Variants in ADAMTS3 observed in about 807,000 individuals in gnomAD.
ADAMTS3 encodes the protein A disintegrin and metalloproteinase with thrombospondin motifs 3.
In ADAMTS3, 73 loss-of-function variants were observed where a neutral mutation model predicts 129.0. The ratio of observed to expected loss-of-function variants is 0.57; its 90% CI spans 0.47 to 0.69. The LOEUF is 0.69. Among genes scored for constraint, ADAMTS3 ranks in the 30% least tolerant of loss-of-function variants. The pLI is 0.00. For synonymous variants in ADAMTS3, 477 were observed against 510.8 expected, an observed-to-expected ratio of 0.93 and a Z score of 0.89; for missense variants, 1,457 against 1,514.5, an observed-to-expected ratio of 0.96 and a Z score of 0.63.
intron 5 of ADAMTS3, among the ~76,000 whole-genome samples, chr4:72,333,848 CTTTTTTT>C (rs6148516): frequency 2.0e-5 from 2 of 99,476 alleles, no homozygotes; most frequent in African/African-American, 7.8e-5. Context: ...TGTTTGCTTG[CTTTTTTT>C]TTTTTTTTTT....
intron 3 of ADAMTS3, among the ~76,000 whole-genome samples, chr4:72,513,125 C>T (rs1326394979): frequency 6.6e-6 from 1 of 152,150 alleles, no homozygotes; most frequent in African/African-American, 2.4e-5. Flanking sequence ...ACCCACGACT[C>T]CCATCTCCTG....
Position 72,283,450 on chromosome 4 carries a change from A to T in ADAMTS3, c.3304T>A (p.Ser1102Thr), listed in dbSNP as rs1560457057. 6.2e-7 allele frequency: 1 copy of T among 1,614,092 alleles called. No homozygotes were observed. Residue 1102 changes from serine to threonine, a missense_variant, in exon 22 of 22, where the codon TCT becomes ACT. Ser to Thr is a moderately conservative substitution (Grantham distance 58, BLOSUM62 1). Coordinates refer to ENST00000286657, the MANE Select transcript of ADAMTS3 (RefSeq NM_014243.3). ...CCCACTGAAGAGATGCTACTCAAAG[A>T]CATCTTCTTTGCAGGGGTCTCTGAA... is the stretch of plus-strand genomic sequence containing the variant. ...YHSETPAKKM[S>T]LSSISSVGGP...
At chr4:72,547,465 T>C (rs544393576) in intron 3 of ADAMTS3, among the ~76,000 whole-genome samples, 3 of 152,304 alleles carry the variant, frequency 2.0e-5, no homozygotes, top group African/African-American at 7.2e-5. Flanking sequence ...GGCATTCTTC[T>C]GTCCTCTTTG....
intron 4 of ADAMTS3, among the ~76,000 whole-genome samples, chr4:72,351,722 G>A (rs1287387975): frequency 6.6e-6 from 1 of 151,724 alleles, no homozygotes; most frequent in South Asian, 2.1e-4. Context: ...AACATGGAGG[G>A]AGTTCAAAAA....
intron 4 of ADAMTS3, among the ~76,000 whole-genome samples, chr4:72,353,395 G>T (rs532680986): frequency 3.3e-5 from 5 of 152,090 alleles, no homozygotes; most frequent in African/African-American, 1.2e-4. Flanking sequence ...GGCAAATATG[G>T]TTATGGAGAC....
intron 14 of ADAMTS3, among the ~76,000 whole-genome samples, chr4:72,309,954 G>A (rs1719189616): frequency 6.6e-6 from 1 of 151,986 alleles, no homozygotes; most frequent in Admixed American, 6.6e-5. Context: ...CTTCACCAGG[G>A]TGGTGAAGAT....
chr4:72,376,840 G>A (rs997391785), intron 4 of ADAMTS3, among the ~76,000 whole-genome samples: 4 of 152,094 alleles, frequency 2.6e-5, no homozygotes, highest in Non-Finnish European at 4.4e-5. Context: ...GCCAAGGATG[G>A]TATTTTTGAG....
At chr4:72,552,457 G>GA (rs1296070096) in intron 2 of ADAMTS3, among the ~76,000 whole-genome samples, 2 of 152,166 alleles carry the variant, frequency 1.3e-5, no homozygotes, top group Non-Finnish European at 2.9e-5. Context: ...TGGCTGAGGG[G>GA]CCACAGTAAT....
chr4:72,311,090 A>G lies in ADAMTS3; in HGVS notation c.2013T>C (p.Ser671=), dbSNP rs1719221477. 1 of 1,611,994 alleles carries G rather than the reference A, an allele frequency of 6.2e-7. No individual in the cohort carries two copies. Among genetic ancestry groups the G allele is most frequent in the Middle Eastern group, 1.7e-4 (1 of 6,048 alleles). The change falls in exon 14 of 22, where the codon TCT becomes TCC. Residue 671 remains serine (S), a synonymous_variant. Coordinates refer to ENST00000286657, the MANE Select transcript of ADAMTS3 (RefSeq NM_014243.3). ...KQLVHDGTHC[S]YKDPYSICVR... Reference sequence around the variant, plus strand: ...CACATATGCTATATGGATCTTTGTAAGAACAGTGCGTTCCATCATGCACCA... The same window carrying G: ...CACATATGCTATATGGATCTTTGTAGGAACAGTGCGTTCCATCATGCACCA...
chr4:72,552,967 T>G (rs1326482802), intron 2 of ADAMTS3, among the ~76,000 whole-genome samples: 2 of 152,190 alleles, frequency 1.3e-5, no homozygotes, highest in African/African-American at 4.8e-5. Flanking sequence ...GCAGAAGATT[T>G]TATCTGTTCT....
intron 3 of ADAMTS3, among the ~76,000 whole-genome samples, chr4:72,543,306 T>C (rs1721384039): frequency 6.6e-6 from 1 of 152,066 alleles, no homozygotes; most frequent in Admixed American, 6.5e-5. Flanking sequence ...AGTATGGCAA[T>C]TTTTTTCCAA....
intron 3 of ADAMTS3, among the ~76,000 whole-genome samples, chr4:72,480,622 C>T (rs2110005299): frequency 6.6e-6 from 1 of 151,604 alleles, no homozygotes; most frequent in East Asian, 1.9e-4. Context: ...GTGCAGCACA[C>T]CAGCATGGCA....
chr4:72,559,643 A>G (rs4694488), intron 2 of ADAMTS3, among the ~76,000 whole-genome samples: 60,560 of 151,174 alleles, frequency 0.4, 13,051 homozygotes, highest in South Asian at 0.61. Flanking sequence ...TTTTAAAAAA[A>G]GAAAAAGAAA....
chr4:72,367,314 T>C (rs1260605136), intron 4 of ADAMTS3, among the ~76,000 whole-genome samples: 1 of 152,184 alleles, frequency 6.6e-6, no homozygotes, highest in Non-Finnish European at 1.5e-5. Context: ...CATAGCTTAC[T>C]ATCTATACTG....
At position 72,303,990 on chromosome 4, in the gene ADAMTS3, C is replaced by A; in HGVS notation, c.2351G>T (p.Trp784Leu). ...AATGTCATCTTCAATGTTATAATCCCACTCCACACCAAGATCTATGAAGGT... is the reference window on the plus strand; with the variant it reads ...AATGTCATCTTCAATGTTATAATCCAACTCCACACCAAGATCTATGAAGGT... ...SRTFIDLGVE[W>L]DYNIEDDIES... The change falls in exon 17 of 22, where the codon TGG (tryptophan) becomes TTG (leucine). Residue 784 changes from tryptophan (W) to leucine (L), a missense_variant. Trp to Leu is a moderately conservative substitution (Grantham distance 61). Coordinates refer to ENST00000286657, the MANE Select transcript of ADAMTS3 (RefSeq NM_014243.3). 1 of 1,613,614 alleles carries A rather than the reference C, an allele frequency of 6.2e-7. No individual in the cohort carries two copies. The highest frequency in any genetic ancestry group is 8.5e-7 in the Non-Finnish European group (1 of 1,179,716).
At chr4:72,501,866 A>G (rs1720034066) in intron 3 of ADAMTS3, among the ~76,000 whole-genome samples, 1 of 152,112 alleles carries the variant, frequency 6.6e-6, no homozygotes, top group Non-Finnish European at 1.5e-5. Context: ...ATCTATTGAG[A>G]TGATCGTATG....
chr4:72,323,441 C>T (rs1039656877), intron 5 of ADAMTS3, among the ~76,000 whole-genome samples: 2 of 152,182 alleles, frequency 1.3e-5, no homozygotes, highest in Non-Finnish European at 2.9e-5. Context: ...GGCAAATCAT[C>T]TGCTAGCCTG....
At chr4:72,504,747 A>C (rs1294030946) in intron 3 of ADAMTS3, among the ~76,000 whole-genome samples, 1 of 152,068 alleles carries the variant, frequency 6.6e-6, no homozygotes, top group Non-Finnish European at 1.5e-5. Context: ...ATATTTCTCA[A>C]ATGTTTTGTT....
chr4:72,451,689 T>A (rs368355299), intron 3 of ADAMTS3, among the ~76,000 whole-genome samples: 2 of 151,850 alleles, frequency 1.3e-5, no homozygotes, highest in East Asian at 3.9e-4. Context: ...AAACCCAATA[T>A]ATCTCTGACA....
Sources: gnomAD v4.1 joint callset for allele counts (sites outside exome capture counted in the v4.1 genomes callset) on GRCh38, gnomAD v4.1.1 for gene constraint, MANE v1.5 for transcripts, NCBI Gene and HGNC (gene_info 2026-07-23, HGNC 2026-07-21) for gene names.